The following IL1RAPL2 variants were observed in gnomAD, a reference collection of about 807,000 sequenced individuals.
The protein encoded by IL1RAPL2 is X-linked interleukin-1 receptor accessory protein-like 2.
Under a neutral mutation model 44.1 loss-of-function variants are expected in IL1RAPL2, and 3 were observed. The ratio of observed to expected loss-of-function variants is 0.07; its 90% CI spans 0.03 to 0.18. The LOEUF (loss-of-function observed/expected upper bound fraction) is 0.18, where lower values mean the gene tolerates loss of function less well. Among genes scored for constraint, IL1RAPL2 ranks in the 10% least tolerant of loss-of-function variants. The pLI is 1.00. For synonymous variants in IL1RAPL2, 181 were observed against 178.8 expected, an observed-to-expected ratio of 1.01 and a Z score of -0.10; for missense variants, 391 against 496.4, an observed-to-expected ratio of 0.79 and a Z score of 2.02.
chrX:105,111,823 A>G (rs777116657), intron 2 of IL1RAPL2, among the ~76,000 whole-genome samples: 1 of 112,147 alleles, frequency 8.9e-6, no homozygotes, highest in East Asian at 2.8e-4. Context: ...GAAGGAAATT[A>G]TATGGTAGAC....
intron 2 of IL1RAPL2, among the ~76,000 whole-genome samples, chrX:105,190,485 A>T (rs782355012): frequency 8.9e-6 from 1 of 112,655 alleles, no homozygotes; most frequent in East Asian, 2.8e-4. Context: ...TTTAGCTCAC[A>T]GGAAAACTGA....
chrX:105,746,286 C>G (rs938925455), intron 8 of IL1RAPL2, among the ~76,000 whole-genome samples: 30 of 112,426 alleles, frequency 2.7e-4, no homozygotes, highest in African/African-American at 9.7e-4. Context: ...AAGTTACAAG[C>G]CCATAAATAT....
intron 5 of IL1RAPL2, among the ~76,000 whole-genome samples, chrX:105,344,060 A>G (rs912862471): frequency 2.7e-5 from 3 of 110,383 alleles, no homozygotes; most frequent in Admixed American, 9.6e-5. Flanking sequence ...ACACCTGGCT[A>G]ATTTTTCTAT....
intron 2 of IL1RAPL2, among the ~76,000 whole-genome samples, chrX:104,672,709 A>G (rs1483722363): frequency 9.7e-6 from 1 of 103,277 alleles, no homozygotes; most frequent in African/African-American, 3.6e-5. Context: ...TTACAGTCCC[A>G]CCAACAGTGT....
chrX:105,696,997 C>G (rs962179877), intron 6 of IL1RAPL2, among the ~76,000 whole-genome samples: 2 of 110,458 alleles, frequency 1.8e-5, no homozygotes, highest in Non-Finnish European at 1.9e-5. Flanking sequence ...AGCTTTTACT[C>G]ATGGAGGAAG....
intron 6 of IL1RAPL2, among the ~76,000 whole-genome samples, chrX:105,595,980 C>T (rs1188871165): frequency 6.3e-5 from 7 of 111,180 alleles, no homozygotes; most frequent in Non-Finnish European, 1.1e-4. Flanking sequence ...TCTTTTCATA[C>T]GCAACCATTT....
At chrX:105,149,541 G>A (rs2033207569) in intron 2 of IL1RAPL2, among the ~76,000 whole-genome samples, 1 of 111,552 alleles carries the variant, frequency 9.0e-6, no homozygotes, top group Non-Finnish European at 1.9e-5. Context: ...TATACAAATG[G>A]TAAAACATGG....
chrX:105,291,879 T>G (rs921298296), intron 5 of IL1RAPL2, among the ~76,000 whole-genome samples: 1 of 111,369 alleles, frequency 9.0e-6, no homozygotes, highest in Non-Finnish European at 1.9e-5. Flanking sequence ...ATATGGATTT[T>G]TTTCAACCAA....
chrX:105,491,880 GA>G (rs1159555876), intron 6 of IL1RAPL2, among the ~76,000 whole-genome samples: 3 of 111,465 alleles, frequency 2.7e-5, no homozygotes, highest in African/African-American at 9.8e-5. Context: ...AATGAAATGG[GA>G]AAAAAGTTAA....
chrX:105,665,734 GT>G (rs751379332), intron 6 of IL1RAPL2, among the ~76,000 whole-genome samples: 1 of 62,504 alleles, frequency 1.6e-5, no homozygotes, highest in African/African-American at 6.2e-5. Context: ...TTGTTTTTTT[GT>G]TTTTTTGTTT....
chrX:105,704,572 T>C (rs2038147197), intron 6 of IL1RAPL2, among the ~76,000 whole-genome samples: 1 of 111,964 alleles, frequency 8.9e-6, no homozygotes, highest in South Asian at 3.7e-4. Flanking sequence ...TGCTATTTTG[T>C]CCCTTGCTTT....
intron 2 of IL1RAPL2, among the ~76,000 whole-genome samples, chrX:104,660,578 T>C (rs1277159310): frequency 2.6e-5 from 2 of 76,243 alleles, no homozygotes; most frequent in Non-Finnish European, 5.3e-5. Flanking sequence ...ATATAAAATA[T>C]ATAAATATAT....
chrX:104,735,998 T>G (rs1324186042), intron 2 of IL1RAPL2, among the ~76,000 whole-genome samples: 1 of 111,181 alleles, frequency 9.0e-6, no homozygotes. Context: ...ACACACCATT[T>G]ACTGTAGTCA....
chrX:104,582,650 T>TTC (rs1326559487), intron 1 of IL1RAPL2, among the ~76,000 whole-genome samples: 1 of 88,358 alleles, frequency 1.1e-5, no homozygotes, highest in African/African-American at 4.3e-5. Context: ...CTCTCTTTCT[T>TTC]TCTTTCTTTT....
chrX:104,599,654 A>G (rs1299547216), intron 1 of IL1RAPL2, among the ~76,000 whole-genome samples: 3 of 74,169 alleles, frequency 4.0e-5, no homozygotes, highest in Admixed American at 1.3e-4. Flanking sequence ...GATTTAGCAC[A>G]CACACACACA....
chrX:105,279,428 C>T (rs1387402419), intron 5 of IL1RAPL2, among the ~76,000 whole-genome samples: 1 of 111,689 alleles, frequency 9.0e-6, no homozygotes, highest in African/African-American at 3.3e-5. Context: ...ATCTGCTGCA[C>T]ACATTACTAT....
chrX:105,710,340 G>C (rs2038198148), intron 6 of IL1RAPL2, among the ~76,000 whole-genome samples: 1 of 92,482 alleles, frequency 1.1e-5, no homozygotes, highest in Non-Finnish European at 2.1e-5. Context: ...GGTCACTGTT[G>C]TCTGGGTAGA....
At chrX:105,069,932 G>A (rs780487596) in intron 2 of IL1RAPL2, among the ~76,000 whole-genome samples, 2 of 112,210 alleles carry the variant, frequency 1.8e-5, no homozygotes, top group East Asian at 5.6e-4. Context: ...TTGCCTGGGT[G>A]AGAAAGATCT....
intron 5 of IL1RAPL2, among the ~76,000 whole-genome samples, chrX:105,370,473 G>A (rs1362026151): frequency 9.0e-6 from 1 of 111,490 alleles, no homozygotes; most frequent in African/African-American, 3.3e-5. Context: ...GAGAACATGT[G>A]GTATTTGGTT....
Sources: allele counts gnomAD v4.1 joint callset (sites outside exome capture counted in the v4.1 genomes callset), GRCh38; gene constraint gnomAD v4.1.1; transcripts MANE v1.5; gene names NCBI Gene and HGNC (gene_info 2026-07-23, HGNC 2026-07-21).